The following MRAP2 variants were observed in gnomAD, a reference collection of about 807,000 sequenced individuals.
The protein encoded by MRAP2 is melanocortin 2 receptor accessory protein 2, also known as melanocortin-2 receptor accessory protein 2.
Under a neutral mutation model 17.4 loss-of-function variants are expected in MRAP2, and 20 were observed. The observed-to-expected ratio is 1.15, with a 90% CI of 0.81 to 1.67. The LOEUF (loss-of-function observed/expected upper bound fraction) is 1.67, where lower values mean the gene tolerates loss of function less well. Ranked by LOEUF, MRAP2 falls within the 40% of genes most tolerant of loss-of-function variation. MRAP2 has a pLI of 0.00. For synonymous variants in MRAP2, 96 were observed against 88.4 expected, an observed-to-expected ratio of 1.09 and a Z score of -0.48; for missense variants, 238 against 240.0, an observed-to-expected ratio of 0.99 and a Z score of 0.05.
intron 1 of MRAP2, among the ~76,000 whole-genome samples, chr6:84,036,872 T>C (rs2099486169): frequency 6.6e-6 from 1 of 151,808 alleles, no homozygotes; most frequent in Non-Finnish European, 1.5e-5. Flanking sequence ...GTATTTACAA[T>C]CCTCCAGCTA....
At chr6:84,050,000 G>A (rs553614347) in intron 1 of MRAP2, among the ~76,000 whole-genome samples, 10 of 152,202 alleles carry the variant, frequency 6.6e-5, no homozygotes, top group Admixed American at 4.6e-4. Flanking sequence ...GTGTGTGTAC[G>A]TGCGTGTAAT....
At chr6:84,126,258 A>T in the MRAP2 span, 2 of 611,570 alleles carry the variant, frequency 3.3e-6, no homozygotes, top group African/African-American at 3.8e-5. Flanking sequence ...TTTTAACAAG[A>T]TCAAAATACA....
intron 3 of MRAP2, among the ~76,000 whole-genome samples, chr6:84,086,089 C>T (rs1356159409): frequency 6.6e-6 from 1 of 152,104 alleles, no homozygotes; most frequent in African/African-American, 2.4e-5. Flanking sequence ...TTATGTCAAC[C>T]TAAATAACAA....
chr6:84,079,380 G>C (rs112495404), intron 3 of MRAP2, among the ~76,000 whole-genome samples: 1 of 152,150 alleles, frequency 6.6e-6, no homozygotes, highest in African/African-American at 2.4e-5. Flanking sequence ...TCAGAGCAGT[G>C]TTACCTAAAG....
At chr6:84,050,077 A>G (rs1188549510) in intron 1 of MRAP2, among the ~76,000 whole-genome samples, 3 of 152,144 alleles carry the variant, frequency 2.0e-5, no homozygotes, top group African/African-American at 7.2e-5. Flanking sequence ...TCGAGTCAAA[A>G]TAGTCGTGAG....
intron 2 of MRAP2, among the ~76,000 whole-genome samples, chr6:84,060,001 G>C (rs1049139299): frequency 6.6e-6 from 1 of 152,156 alleles, no homozygotes; most frequent in African/African-American, 2.4e-5. Flanking sequence ...GATGTTTCTT[G>C]TAAGAGGCTC....
At chr6:84,054,270 C>T (rs761466076) in intron 1 of MRAP2, among the ~76,000 whole-genome samples, 22 of 152,176 alleles carry the variant, frequency 1.4e-4, no homozygotes, top group Non-Finnish European at 2.5e-4. Flanking sequence ...CCACAGTGTG[C>T]GGTGTCTTGC....
intron 3 of MRAP2, among the ~76,000 whole-genome samples, chr6:84,075,750 C>G (rs1033903127): frequency 6.6e-6 from 1 of 152,138 alleles, no homozygotes; most frequent in Non-Finnish European, 1.5e-5. Flanking sequence ...TGGGGCTGTT[C>G]TTCACTTAGG....
At chr6:84,143,026 A>G in the MRAP2 span, among the ~76,000 whole-genome samples, 5 of 152,110 alleles carry the variant, frequency 3.3e-5, no homozygotes, top group Admixed American at 3.3e-4. Context: ...AAAGTCTTCA[A>G]TAATTACTAT....
At chr6:84,044,775 A>G (rs2099488540) in intron 1 of MRAP2, among the ~76,000 whole-genome samples, 1 of 152,242 alleles carries the variant, frequency 6.6e-6, no homozygotes. Flanking sequence ...TAGGGCTTCA[A>G]CATATGGATG....
chr6:84,040,000 C>T (rs2099487102), intron 1 of MRAP2, among the ~76,000 whole-genome samples: 2 of 152,108 alleles, frequency 1.3e-5, no homozygotes, highest in African/African-American at 4.8e-5. Context: ...AATATAAAAC[C>T]TACACCATAT....
rs1432161178 is a variant in MRAP2, at chr6:84,089,260, C to T, written c.397C>T (p.His133Tyr). The change falls in exon 4 of 4, where the codon CAC (histidine) becomes TAC (tyrosine). Residue 133 changes from histidine to tyrosine, a missense_variant. His to Tyr is a moderately conservative substitution (Grantham distance 83). Coordinates refer to ENST00000257776, the MANE Select transcript of MRAP2 (RefSeq NM_138409.4). ...ACGCTTGGACAGAGCCAAAGCTTGT[C>T]ACCAGACCACAGCCCTTGACAGTGA... is the stretch of plus-strand genomic sequence containing the variant. ...VERLDRAKAC[H>Y]QTTALDSDVQ... 3 of 1,614,180 alleles carry T rather than the reference C, an allele frequency of 1.9e-6. No homozygotes were observed. Among genetic ancestry groups the T allele is most frequent in the Non-Finnish European group, 2.5e-6 (3 of 1,180,042 alleles).
rs777026990 is a variant in MRAP2, at chr6:84,062,878, T to C, written c.128-15T>C. 52 of 1,613,998 alleles carry C rather than the reference T, an allele frequency of 3.2e-5. No individual in the cohort carries two copies. The highest frequency in any genetic ancestry group is 4.4e-5 in the Non-Finnish European group (52 of 1,179,972). ...CTACTGTGAAATACTAATCCCAGAATTAACTGTCTTTCAGATTCCATTGTG... is the reference window on the plus strand; with the variant it reads ...CTACTGTGAAATACTAATCCCAGAACTAACTGTCTTTCAGATTCCATTGTG... On this transcript the variant is annotated splice_polypyrimidine_tract_variant and intron_variant, in intron 2 of 3. Coordinates refer to ENST00000257776, the MANE Select transcript of MRAP2 (RefSeq NM_138409.4).
chr6:84,119,166 C>A, the MRAP2 span, among the ~76,000 whole-genome samples: 1 of 151,962 alleles, frequency 6.6e-6, no homozygotes, highest in Non-Finnish European at 1.5e-5. Flanking sequence ...CTACTGAGGT[C>A]TTTTGTGGTT....
At chr6:84,092,266 T>G (rs1359684539), downstream of MRAP2, among the ~76,000 whole-genome samples, 1 of 152,208 alleles carries the variant, frequency 6.6e-6, no homozygotes, top group African/African-American at 2.4e-5. Flanking sequence ...AGGCTACATA[T>G]TGACAGGTTT....
chr6:84,134,286 G>A, the MRAP2 span, among the ~76,000 whole-genome samples: 3 of 152,192 alleles, frequency 2.0e-5, no homozygotes, highest in Non-Finnish European at 4.4e-5. Context: ...ATCTTAGCTT[G>A]CTGGGCTCTG....
chr6:84,068,016 G>A (rs1481419864), intron 3 of MRAP2, among the ~76,000 whole-genome samples: 1 of 152,132 alleles, frequency 6.6e-6, no homozygotes, highest in African/African-American at 2.4e-5. Context: ...AATTTTTACA[G>A]TTTCAGGTCT....
chr6:84,069,554 C>CT (rs1402893933), intron 3 of MRAP2, among the ~76,000 whole-genome samples: 2 of 151,974 alleles, frequency 1.3e-5, no homozygotes, highest in East Asian at 3.9e-4. Context: ...CTGTAGTTTT[C>CT]TTTTTTGGTT....
the MRAP2 span, among the ~76,000 whole-genome samples, chr6:84,111,780 C>G: frequency 3.3e-5 from 5 of 152,252 alleles, no homozygotes; most frequent in South Asian, 1.0e-3. Context: ...TACGTTCCAT[C>G]AATACCTACT....
Sources: allele counts gnomAD v4.1 joint callset (sites outside exome capture counted in the v4.1 genomes callset), GRCh38; gene constraint gnomAD v4.1.1; transcripts MANE v1.5; gene names NCBI Gene and HGNC (gene_info 2026-07-23, HGNC 2026-07-21).